Variants in YME1L1 observed in about 807,000 individuals in gnomAD.
The protein encoded by YME1L1 is YME1 like 1 ATPase.
In YME1L1, 39 loss-of-function variants were observed where a neutral mutation model predicts 90.4. The observed-to-expected ratio is 0.43, with a 90% CI of 0.33 to 0.56. YME1L1 has a LOEUF of 0.56. Ranked by LOEUF, YME1L1 falls within the 20% of genes least tolerant of loss-of-function variation. The pLI, the probability that YME1L1 is intolerant of heterozygous loss-of-function variation, is 0.03. For missense variants in YME1L1, 617 were observed against 868.4 expected, an observed-to-expected ratio of 0.71 and a Z score of 3.64; for synonymous variants, 284 against 287.3, an observed-to-expected ratio of 0.99 and a Z score of 0.12.
chr10:27,141,372 AAAAAC>A (rs968209253), intron 4 of YME1L1, among the ~76,000 whole-genome samples: 1 of 152,180 alleles, frequency 6.6e-6, no homozygotes, highest in Admixed American at 6.5e-5. Flanking sequence ...ACTCCATCTC[AAAAAC>A]AAAACAAAAC....
Position 27,117,666 on chromosome 10 carries a change from T to C in YME1L1, c.1629A>G (p.Glu543=). ...NKNKTITAYH[E]SGHAIIAYYT... ...AATATGCAATAATGGCATGACCAGATTCATGATATGCTGTGATGGTTTTGT... is the reference window on the plus strand; with the variant it reads ...AATATGCAATAATGGCATGACCAGACTCATGATATGCTGTGATGGTTTTGT... Residue 543 remains glutamate (E), a synonymous_variant, in exon 15 of 19, where the codon GAA becomes GAG. Transcript: ENST00000376016. The C allele has an allele frequency of 6.2e-7, 1 of 1,614,228 alleles. No individual in the cohort carries two copies. The highest frequency in any genetic ancestry group is 8.5e-7 in the Non-Finnish European group (1 of 1,180,022).
intron 2 of YME1L1, chr10:27,145,811 G>T: frequency 3.1e-6 from 1 of 326,450 alleles, no homozygotes; most frequent in Non-Finnish European, 5.4e-6. Context: ...TATTCCTAAT[G>T]GTATCCTTAA....
chr10:27,135,944 A>G (rs2057022584), intron 5 of YME1L1, among the ~76,000 whole-genome samples: 1 of 152,210 alleles, frequency 6.6e-6, no homozygotes, highest in African/African-American at 2.4e-5. Context: ...TTGGATCAAC[A>G]GGACTTTAGT....
Position 27,112,044 on chromosome 10 carries a change from G to A in YME1L1, c.2084C>T (p.Thr695Ile), listed in dbSNP as rs1321605759. The change falls in exon 19 of 19, where the codon ACC becomes ATC. Residue 695 changes from threonine (T) to isoleucine (I), a missense_variant. Thr to Ile is a moderately conservative substitution (Grantham distance 89). This residue lies in a region of YME1L1 where 212 missense variants were observed against 330.0 expected (regional missense o/e 0.64). Coordinates refer to ENST00000376016, the MANE Select transcript of YME1L1 (RefSeq NM_014263.4). ...CTCTTTGGCATCCAAAGTCTCATAG[G>A]TCAATAAAGCTTCTGCGAGATTCTT... Reference protein sequence around the residue: ...EHKNLAEALLTYETLDAKEIQ... With the variant: ...EHKNLAEALLIYETLDAKEIQ... 8 of 1,613,864 alleles carry A rather than the reference G, an allele frequency of 5.0e-6. No individual in the cohort carries two copies. Among genetic ancestry groups the A allele is most frequent in the Non-Finnish European group, 5.9e-6 (7 of 1,180,002 alleles).
intron 8 of YME1L1, among the ~76,000 whole-genome samples, chr10:27,127,619 C>T (rs555909517): frequency 6.6e-5 from 10 of 152,032 alleles, no homozygotes; most frequent in Non-Finnish European, 1.3e-4. Flanking sequence ...AAGCCTCATA[C>T]AAAAGAGGAT....
intron 13 of YME1L1, 103 bp from the exon 14 acceptor site, chr10:27,119,552 T>C: frequency 7.8e-7 from 1 of 1,289,206 alleles, no homozygotes; most frequent in South Asian, 1.6e-5. Context: ...CTCATGCCTG[T>C]AATCCCAGCA....
intron 2 of YME1L1, chr10:27,147,101 A>G: frequency 2.8e-6 from 1 of 363,232 alleles, no homozygotes. Context: ...AAAAAATTAA[A>G]GAGATAGGTT....
chr10:27,130,397 A>G (rs1339206194), intron 8 of YME1L1, among the ~76,000 whole-genome samples: 2 of 152,208 alleles, frequency 1.3e-5, no homozygotes, highest in Non-Finnish European at 2.9e-5. Flanking sequence ...CTTAACATAC[A>G]TATAAATATA....
At chr10:27,145,677 G>A in intron 2 of YME1L1, 87 bp from the exon 3 acceptor site, 1 of 1,091,200 alleles carries the variant, frequency 9.2e-7, no homozygotes, top group Non-Finnish European at 1.3e-6. Context: ...AAAACAATCA[G>A]ATTTTAAAAG....
At chr10:27,118,201 C>T (rs1294161047) in intron 14 of YME1L1, among the ~76,000 whole-genome samples, 1 of 152,202 alleles carries the variant, frequency 6.6e-6, no homozygotes, top group African/African-American at 2.4e-5. Flanking sequence ...ACCTTGAACT[C>T]TTAGCCTCAA....
At chr10:27,125,590 G>A (rs1162383771) in intron 9 of YME1L1, among the ~76,000 whole-genome samples, 2 of 151,108 alleles carry the variant, frequency 1.3e-5, no homozygotes, top group Non-Finnish European at 2.9e-5. Flanking sequence ...GCTGAAATTT[G>A]AATATAGACT....
chr10:27,140,550 C>T (rs867544182), intron 4 of YME1L1, among the ~76,000 whole-genome samples: 3 of 152,164 alleles, frequency 2.0e-5, no homozygotes, highest in South Asian at 4.1e-4. Context: ...GCGGTCTCGG[C>T]TCACTGCAAC....
chr10:27,137,614 T>C (rs993940587), intron 4 of YME1L1, among the ~76,000 whole-genome samples: 6 of 152,196 alleles, frequency 3.9e-5, no homozygotes, highest in South Asian at 2.1e-4. Flanking sequence ...CTAAATAATA[T>C]GAATCTTTTA....
intron 8 of YME1L1, among the ~76,000 whole-genome samples, chr10:27,130,120 A>G (rs1355247478): frequency 6.6e-6 from 1 of 152,216 alleles, no homozygotes; most frequent in Non-Finnish European, 1.5e-5. Context: ...TTTATCAGGT[A>G]CACCAATGAC....
In YME1L1 at chr10:27,154,280, A is replaced by T. The variant is rs2057285147; in HGVS notation, c.-70T>A. ...CCCCTCTGTCCACGGCCCGGCGGGG[A>T]GGCGCTGAGCCCTTCTTTTTTCCTT... On this transcript the variant is annotated 5_prime_UTR_variant, in exon 1 of 19. Transcript: ENST00000376016. The T allele has an allele frequency of 1.3e-6, 2 of 1,538,904 alleles. No homozygotes were observed. The highest frequency in any genetic ancestry group is 2.7e-5 in the African/African-American group (2 of 72,986).
chr10:27,135,461 G>A (rs2057017940), intron 5 of YME1L1, among the ~76,000 whole-genome samples: 1 of 152,228 alleles, frequency 6.6e-6, no homozygotes, highest in African/African-American at 2.4e-5. Context: ...TTGATATTAT[G>A]TTAGAAGTAT....
chr10:27,117,486 T>A, intron 15 of YME1L1, 90 bp downstream of exon 15: 1 of 1,380,960 alleles, frequency 7.2e-7, no homozygotes, highest in Non-Finnish European at 1.0e-6. Context: ...AAGAATCGTT[T>A]GAATCCGGAA....
At chr10:27,144,712 C>G (rs1022657390) in intron 3 of YME1L1, among the ~76,000 whole-genome samples, 1 of 152,092 alleles carries the variant, frequency 6.6e-6, no homozygotes, top group African/African-American at 2.4e-5. Context: ...AAACAACGCC[C>G]CCCCATTCTG....
Position 27,112,045 on chromosome 10 carries a change from T to C in YME1L1, c.2083A>G (p.Thr695Ala), listed in dbSNP as rs573706235. 3.7e-6 allele frequency: 6 copies of C among 1,614,122 alleles called. No individual in the cohort carries two copies. The East Asian group carries it at 1.1e-4, about 30-fold the overall frequency. Reference protein sequence around the residue: ...EHKNLAEALLTYETLDAKEIQ... With the variant: ...EHKNLAEALLAYETLDAKEIQ... The stretch of plus-strand genomic sequence containing the variant: ...TCTTTGGCATCCAAAGTCTCATAGG[T>C]CAATAAAGCTTCTGCGAGATTCTTA... The change falls in exon 19 of 19, where the codon ACC becomes GCC. Residue 695 changes from threonine (T) to alanine (A), a missense_variant. Coordinates refer to ENST00000376016, the MANE Select transcript of YME1L1 (RefSeq NM_014263.4).
Sources: allele counts gnomAD v4.1 joint callset (sites outside exome capture counted in the v4.1 genomes callset), GRCh38; gene constraint gnomAD v4.1.1; regional missense constraint gnomAD v4.1.1; transcripts MANE v1.5; gene names NCBI Gene and HGNC (gene_info 2026-07-23, HGNC 2026-07-21).